The following IWS1 variants were observed in gnomAD, a reference collection of about 807,000 sequenced individuals.
The protein encoded by IWS1 is interacts with SUPT6H, CTD assembly factor 1.
Under a neutral mutation model 86.7 loss-of-function variants are expected in IWS1, and 27 were observed. The ratio of observed to expected loss-of-function variants is 0.31; its 90% CI spans 0.23 to 0.43. IWS1 has a LOEUF of 0.43. IWS1 is among the 20% of genes least tolerant of loss of function. The pLI, the probability that IWS1 is intolerant of heterozygous loss-of-function variation, is 1.00. For synonymous variants in IWS1, 313 were observed against 335.1 expected (o/e 0.93, Z 0.72); for missense variants, 827 against 1,000.8 (o/e 0.83, Z 2.34).
At chr2:127,486,810 C>T (rs1046869986) in intron 12 of IWS1, 146 bp from the exon 13 acceptor site, 3 of 643,988 alleles carry the variant, frequency 4.7e-6, no homozygotes, top group Non-Finnish European at 8.4e-6. Flanking sequence ...TCACCCAATC[C>T]ACCCTCCTGC....
intron 6 of IWS1, among the ~76,000 whole-genome samples, chr2:127,496,903 CTA>C (rs962517190): frequency 3.9e-5 from 6 of 152,150 alleles, no homozygotes; most frequent in African/African-American, 1.4e-4. Context: ...TGCAACTTTT[CTA>C]TGTTTAGATA....
At chr2:127,508,302 T>A (rs142148737) in intron 2 of IWS1, among the ~76,000 whole-genome samples, 2 of 152,068 alleles carry the variant, frequency 1.3e-5, no homozygotes, top group Non-Finnish European at 2.9e-5. Flanking sequence ...AAAGTATGTA[T>A]ATGATATTTC....
At chr2:127,496,255 T>C in intron 6 of IWS1, 107 bp from the exon 7 acceptor site, 1 of 1,199,522 alleles carries the variant, frequency 8.3e-7, no homozygotes, top group Non-Finnish European at 1.2e-6. Context: ...CTCAATGAAG[T>C]GCTACCTTCT....
intron 7 of IWS1, among the ~76,000 whole-genome samples, 171 bp downstream of exon 7, chr2:127,495,827 G>A (rs957604754): frequency 2.6e-5 from 4 of 151,948 alleles, no homozygotes; most frequent in South Asian, 2.1e-4. Context: ...TTTTCTAAAC[G>A]TGTGACTAAA....
chr2:127,494,958 T>C lies in IWS1; in HGVS notation c.1717-4A>G, dbSNP rs759965451. On this transcript the variant is annotated splice_polypyrimidine_tract_variant and splice_region_variant and intron_variant, in intron 7 of 13. Coordinates refer to ENST00000295321, the MANE Select transcript of IWS1 (RefSeq NM_017969.3). ...GATTGTTCAACTGTCTGTCTTCCTA[T>C]TCAGAAAAAAAATAAAGATTTTTTT... The C allele has an allele frequency of 1.3e-6, 2 of 1,557,930 alleles. No individual in the cohort carries two copies. The highest frequency in any genetic ancestry group is 1.9e-5 in the Admixed American group (1 of 52,498).
chr2:127,492,240 C>T lies in IWS1; in HGVS notation c.1930-152G>A, dbSNP rs1421152170. The T allele has an allele frequency of 3.6e-5, 22 of 603,750 alleles. No individual in the cohort carries two copies. The East Asian group carries it at 5.9e-4, about 16-fold the overall frequency. 37.4% of individuals were successfully genotyped at this position (603,750 alleles called of 1,614,324 possible). ...CATAGAACACAAAGATACTTTGTGT[C>T]CACATCAAAAGTTCAGAGTTCAGGC... On this transcript the variant is annotated intron_variant, in intron 9 of 13. Coordinates refer to ENST00000295321, the MANE Select transcript of IWS1 (RefSeq NM_017969.3).
chr2:127,515,631 C>T (rs1691727101), intron 2 of IWS1, among the ~76,000 whole-genome samples: 1 of 152,178 alleles, frequency 6.6e-6, no homozygotes, highest in Admixed American at 6.5e-5. Flanking sequence ...GAAGCTCTAC[C>T]GACCTCCCCA....
Position 127,481,971 on chromosome 2 carries a change from G to A in IWS1, c.2329-796C>T, listed in dbSNP as rs111375672. Among the ~76,000 whole-genome samples the A allele has an allele frequency of 3.5e-3, 532 of 152,230 alleles. 5 individuals are homozygous for A. Among genetic ancestry groups the A allele is most frequent in the African/African-American group, 0.012 (494 of 41,544 alleles). ...CCTTCATGTTTAAAGGTTTGGTTTG[G>A]GGGCTATTTTATATTTTGAAAATAC... On this transcript the variant is annotated intron_variant, in intron 13 of 13. Transcript: ENST00000295321.
chr2:127,494,113 G>C (rs1002486098), intron 8 of IWS1, among the ~76,000 whole-genome samples: 1 of 151,872 alleles, frequency 6.6e-6, no homozygotes, highest in Admixed American at 6.6e-5. Context: ...AAGCAAATCA[G>C]GGCCCGGTGT....
At chr2:127,501,779 T>C (rs1210670681) in intron 5 of IWS1, 2 of 149,922 alleles carry the variant, frequency 1.3e-5, no homozygotes, top group Non-Finnish European at 3.0e-5. Context: ...GTTTCGAACT[T>C]CTGGGCTCCA....
rs1362968535 is a variant in IWS1, at chr2:127,505,167, G to A, written c.736C>T (p.Arg246Cys). ...DSENEELPKP[R>C]ISDSESEDPP... ...TCCTCACTTTCTGAGTCACTGATAC[G>A]AGGTTTGGGAAGCTCCTCATTTTCA... Residue 246 changes from arginine to cysteine, a missense_variant, in exon 3 of 14, where the codon CGT becomes TGT. By Grantham distance (180) the Arg-to-Cys change is radical. Around this residue, in one of 2 missense-constraint regions of IWS1, gnomAD observed 548 missense variants for 560.2 expected, o/e 0.98. Coordinates refer to ENST00000295321, the MANE Select transcript of IWS1 (RefSeq NM_017969.3). The surrounding 1 kb of genome is among the most constrained non-coding windows in gnomAD (Gnocchi z 5.0). The A allele has an allele frequency of 9.9e-6, 16 of 1,611,918 alleles. No homozygotes were observed. Among genetic ancestry groups the A allele is most frequent in the African/African-American group, 2.7e-5 (2 of 74,780 alleles).
rs368146784 is a variant in IWS1 at position 127,523,759 on chromosome 2, G to A, written c.67C>T (p.Arg23Trp). 23 of 1,613,570 alleles carry A rather than the reference G, an allele frequency of 1.4e-5. No homozygotes were observed. Among genetic ancestry groups the A allele is most frequent in the African/African-American group, 2.7e-5 (2 of 74,890 alleles). ...TCCTCACCGTCTGACCCTGAATCCCGTTCATCCTGTACTGGGGTAGCACCA... is the reference window on the plus strand; with the variant it reads ...TCCTCACCGTCTGACCCTGAATCCCATTCATCCTGTACTGGGGTAGCACCA... The part of the protein sequence containing the change: ...DGGATPVQDE[R>W]DSGSDGEDDV... The change falls in exon 2 of 14, where the codon CGG becomes TGG. Residue 23 changes from arginine to tryptophan, a missense_variant. By Grantham distance (101) the Arg-to-Trp change is moderately radical. This residue lies in a region of IWS1 where 548 missense variants were observed against 560.2 expected (regional missense o/e 0.98). Transcript: ENST00000295321.
At chr2:127,503,002 A>C in intron 4 of IWS1, 130 bp from the exon 5 acceptor site, 1 of 601,212 alleles carries the variant, frequency 1.7e-6, no homozygotes, top group Non-Finnish European at 3.0e-6. Context: ...ATGAGTTTTA[A>C]CAAATATATA....
At chr2:127,490,921 ATAAT>A (rs1242184528) in intron 10 of IWS1, 4 of 152,260 alleles carry the variant, frequency 2.6e-5, no homozygotes, top group African/African-American at 9.6e-5. Context: ...CAAAAGAAAA[ATAAT>A]TATTCTATTC....
chr2:127,526,020 T>C (rs942998944), intron 1 of IWS1, among the ~76,000 whole-genome samples, 155 bp downstream of exon 1: 2 of 152,236 alleles, frequency 1.3e-5, no homozygotes, highest in African/African-American at 4.8e-5. Context: ...GCTTCGACGC[T>C]TGCAGCTGGT....
rs747396912 is a variant in IWS1, at chr2:127,505,321, T to C, written c.582A>G (p.Gln194=). 2.5e-6 allele frequency: 4 copies of C among 1,611,444 alleles called. No homozygotes were observed. The Admixed American group carries it at 6.7e-5, about 27-fold the overall frequency. The change falls in exon 3 of 14, where the codon CAA becomes CAG. Residue 194 remains glutamine, a synonymous_variant. Transcript: ENST00000295321. The surrounding 1 kb of genome is among the most constrained non-coding windows in gnomAD (Gnocchi z 5.0). ...GCTCCTCATTTTCGGAGTCACTGGC[T>C]TGGTGCCTTGGGGGTTCCTCACTCT... The part of the protein sequence containing the change: ...DSESEEPPRH[Q]ASDSENEEPP...
intron 6 of IWS1, among the ~76,000 whole-genome samples, chr2:127,497,451 A>T (rs1013958124): frequency 1.3e-5 from 2 of 152,262 alleles, no homozygotes; most frequent in African/African-American, 4.8e-5. Context: ...CTCTCAAAAC[A>T]TAATGAGAGA....
At chr2:127,521,351 T>C (rs867356200) in intron 2 of IWS1, among the ~76,000 whole-genome samples, 4 of 152,234 alleles carry the variant, frequency 2.6e-5, no homozygotes, top group South Asian at 2.1e-4. Flanking sequence ...AACTGCAGGA[T>C]AAATAATGTG....
At position 127,523,606 on chromosome 2, in the gene IWS1, C is replaced by T. The variant is rs1275151677; in HGVS notation, c.150+70G>A. On this transcript the variant is annotated intron_variant, in intron 2 of 13. Transcript: ENST00000295321. ...AAACTCTGTCACAGAGATTCTGTAA[C>T]TCCTATAATATAACAGATCTCACAG... 4.1e-6 allele frequency: 4 copies of T among 969,470 alleles called. No individual in the cohort carries two copies. In the East Asian group the frequency reaches 9.7e-5, roughly 23 times the overall value. 60.1% of individuals were successfully genotyped at this position (969,470 alleles called of 1,614,324 possible).
Sources: gnomAD v4.1 joint callset for allele counts (sites outside exome capture counted in the v4.1 genomes callset) on GRCh38, gnomAD v4.1.1 for gene constraint, gnomAD v4.1.1 regional missense constraint, Gnocchi (gnomAD v3.1) non-coding constraint, MANE v1.5 for transcripts, NCBI Gene and HGNC (gene_info 2026-07-23, HGNC 2026-07-21) for gene names.